The following MYO1E variants were observed in gnomAD, a reference collection of about 807,000 sequenced individuals.
MYO1E encodes myosin IE, also known as unconventional myosin-Ie.
A neutral mutation model predicts 151.1 loss-of-function variants in MYO1E; 68 were observed. That is an observed-to-expected ratio of 0.45 (90% CI 0.37 to 0.55). The LOEUF (loss-of-function observed/expected upper bound fraction) is 0.55, where lower values mean the gene tolerates loss of function less well. Among genes scored for constraint, MYO1E ranks in the 20% least tolerant of loss-of-function variants. MYO1E has a pLI of 0.00. For missense variants in MYO1E, 1,363 were observed against 1,389.3 expected (o/e 0.98, Z 0.30); for synonymous variants, 601 against 501.7 (o/e 1.20, Z -2.64).
chr15:59,250,285 T>C (rs1304286010), intron 4 of MYO1E, among the ~76,000 whole-genome samples: 1 of 152,134 alleles, frequency 6.6e-6, no homozygotes, highest in African/African-American at 2.4e-5. Context: ...AACTGGAAAC[T>C]AAAGGCATTT....
chr15:59,286,341 C>T (rs937906435), intron 1 of MYO1E, among the ~76,000 whole-genome samples: 9 of 152,172 alleles, frequency 5.9e-5, no homozygotes, highest in Non-Finnish European at 1.2e-4. Context: ...TCTCAGATTG[C>T]CCTATTTTTC....
In MYO1E at chr15:59,350,672, T is replaced by A. The variant is rs928411686; in HGVS notation, c.3+21826A>T. ...GTGAATTCTGAAAAATATAAAGAAA[T>A]GTAAATTATCTCTGATCTCAAGAGG... On this transcript the variant is annotated intron_variant, in intron 1 of 27. Coordinates refer to ENST00000288235, the MANE Select transcript of MYO1E (RefSeq NM_004998.4). This position sits in a 1 kb window ranked among gnomAD's most constrained non-coding sequence, Gnocchi z 5.0. Among the ~76,000 whole-genome samples, 2 of 152,046 alleles carry A rather than the reference T, an allele frequency of 1.3e-5. No homozygotes were observed. Among genetic ancestry groups the A allele is most frequent in the African/African-American group, 4.8e-5 (2 of 41,374 alleles).
rs375467837 is a variant in MYO1E at position 59,224,581 on chromosome 15, C to A, written c.777+108G>T. ...TACAGAGTGCTCACAGAGAAAGAGG[C>A]GGACATTTCATGCAGCTCTTTGCTT... is the stretch of plus-strand genomic sequence containing the variant. On this transcript the variant is annotated intron_variant, in intron 8 of 27. Coordinates refer to ENST00000288235, the MANE Select transcript of MYO1E (RefSeq NM_004998.4). The A allele has an allele frequency of 1.4e-5, 20 of 1,443,256 alleles. 1 individual carries two copies. Among genetic ancestry groups the A allele is most frequent in the East Asian group, 4.6e-5 (2 of 43,816 alleles). The allele number at this position is 1,443,256 out of a possible 1,614,324, so 89.4% of individuals were successfully genotyped here.
chr15:59,293,674 T>C (rs1412341651), intron 1 of MYO1E, among the ~76,000 whole-genome samples: 1 of 152,168 alleles, frequency 6.6e-6, no homozygotes, highest in Non-Finnish European at 1.5e-5. Context: ...GGCATCACAG[T>C]GAATTCAGAA....
intron 26 of MYO1E, among the ~76,000 whole-genome samples, chr15:59,148,180 A>C (rs901431808): frequency 6.6e-6 from 1 of 152,242 alleles, no homozygotes; most frequent in South Asian, 2.1e-4. Context: ...GAAGACACCA[A>C]GAGTAGAAAG....
chr15:59,266,527 CTTAAT>C (rs2080254754), intron 2 of MYO1E, among the ~76,000 whole-genome samples: 1 of 152,122 alleles, frequency 6.6e-6, no homozygotes, highest in Non-Finnish European at 1.5e-5. Context: ...TTTCATAAAG[CTTAAT>C]TTATTCAAAA....
At chr15:59,262,470 A>G (rs1455688862) in intron 2 of MYO1E, among the ~76,000 whole-genome samples, 4 of 151,906 alleles carry the variant, frequency 2.6e-5, no homozygotes, top group Non-Finnish European at 4.4e-5. Context: ...AAAAACAAAA[A>G]CAAAAACATT....
At chr15:59,279,505 C>T (rs2080340701) in intron 1 of MYO1E, among the ~76,000 whole-genome samples, 2 of 152,178 alleles carry the variant, frequency 1.3e-5, no homozygotes, top group African/African-American at 4.8e-5. Flanking sequence ...CTAGCCCTCC[C>T]AGCCAAGACC....
chr15:59,187,434 T>C (rs1234116899), intron 18 of MYO1E, among the ~76,000 whole-genome samples: 1 of 152,200 alleles, frequency 6.6e-6, no homozygotes, highest in African/African-American at 2.4e-5. Context: ...ATAACTTATG[T>C]TGGCAAGGAT....
chr15:59,305,169 A>G (rs1329011929), intron 1 of MYO1E, among the ~76,000 whole-genome samples: 1 of 152,186 alleles, frequency 6.6e-6, no homozygotes, highest in African/African-American at 2.4e-5. Flanking sequence ...CAGAATGTCA[A>G]AGAAGATCAT....
chr15:59,208,105 T>C (rs1251542447), intron 14 of MYO1E: 3 of 1,543,292 alleles, frequency 1.9e-6, no homozygotes, highest in Non-Finnish European at 2.6e-6. Context: ...AAAACTACCA[T>C]TCCGAAATTA....
chr15:59,214,689 T>G lies in MYO1E; in HGVS notation c.1139A>C (p.Glu380Ala). ...SINKAMEKDH[E>A]EYNIGVLDIY... ...GTCTAGGACGCCAATGTTGTATTCT[T>G]CATGGTCTTTCTCCATGGCTTTATT... is the stretch of plus-strand genomic sequence containing the variant. Residue 380 changes from glutamate to alanine, a missense_variant, in exon 11 of 28, where the codon GAA becomes GCA. Physicochemically the swap from Glu to Ala is moderately radical, Grantham distance 107. Coordinates refer to ENST00000288235, the MANE Select transcript of MYO1E (RefSeq NM_004998.4). The G allele has an allele frequency of 6.2e-7, 1 of 1,613,926 alleles. No individual in the cohort carries two copies. Among genetic ancestry groups the G allele is most frequent in the Non-Finnish European group, 8.5e-7 (1 of 1,179,760 alleles).
chr15:59,160,960 C>A (rs2079534710), intron 24 of MYO1E, 113 bp downstream of exon 24: 2 of 1,386,134 alleles, frequency 1.4e-6, no homozygotes, highest in African/African-American at 2.8e-5. Context: ...CCCCAGCAAG[C>A]AGAAGGTGTA....
chr15:59,339,855 T>G (rs2080752988), intron 1 of MYO1E, among the ~76,000 whole-genome samples: 4 of 20,750 alleles, frequency 1.9e-4, no homozygotes, highest in Non-Finnish European at 4.4e-4. Flanking sequence ...TTTTTTTTGT[T>G]TTTTTTTTTT....
intron 26 of MYO1E, among the ~76,000 whole-genome samples, chr15:59,149,040 TTTTTTTTTTTTG>T (rs2079458924): frequency 1.3e-5 from 1 of 74,464 alleles, no homozygotes; most frequent in African/African-American, 5.1e-5. Flanking sequence ...GATGAACTGT[TTTTTTTTTTTTG>T]TTTTTTTTTT....
rs28588202 is a variant in MYO1E, at chr15:59,249,483, C to T, written c.332+6801G>A. ...TTTCTAGTCTTGAAATGGTCAGGTG[C>T]CTGTCCATCCTGTCACCGTATCCAC... On this transcript the variant is annotated intron_variant, in intron 4 of 27. Transcript: ENST00000288235. 3.3e-3 allele frequency among the ~76,000 whole-genome samples: 498 copies of T among 151,504 alleles called. 1 individual carries two copies. Among genetic ancestry groups the T allele is most frequent in the African/African-American group, 0.011 (466 of 41,246 alleles).
At chr15:59,168,493 C>T (rs149322537) in intron 22 of MYO1E, among the ~76,000 whole-genome samples, 1 of 151,856 alleles carries the variant, frequency 6.6e-6, no homozygotes, top group South Asian at 2.1e-4. Flanking sequence ...TGCAGTGAGC[C>T]GAGATTGCGC....
intron 3 of MYO1E, among the ~76,000 whole-genome samples, chr15:59,258,531 T>C (rs1240902828): frequency 6.6e-6 from 1 of 152,216 alleles, no homozygotes; most frequent in Non-Finnish European, 1.5e-5. Flanking sequence ...TTTATACATC[T>C]GGTTAGGCTA....
intron 1 of MYO1E, among the ~76,000 whole-genome samples, chr15:59,302,185 C>A (rs952244665): frequency 1.3e-5 from 2 of 152,142 alleles, no homozygotes; most frequent in African/African-American, 4.8e-5. Context: ...TTGAGGCTAA[C>A]AGAAACCAGC....
Sources: allele counts gnomAD v4.1 joint callset (sites outside exome capture counted in the v4.1 genomes callset), GRCh38; gene constraint gnomAD v4.1.1; non-coding constraint Gnocchi (gnomAD v3.1); transcripts MANE v1.5; gene names NCBI Gene and HGNC (gene_info 2026-07-23, HGNC 2026-07-21).